SEC23IP: variants seen among roughly 807,000 people sequenced by gnomAD.
SEC23IP encodes SEC23-interacting protein.
Under a neutral mutation model 113.4 loss-of-function variants are expected in SEC23IP, and 70 were observed. That is an observed-to-expected ratio of 0.62 (90% confidence interval 0.51 to 0.75). The LOEUF (loss-of-function observed/expected upper bound fraction) is 0.75. Ranked by LOEUF, SEC23IP falls within the 30% of genes least tolerant of loss-of-function variation. The pLI, the probability that SEC23IP is intolerant of heterozygous loss-of-function variation, is 0.00. For missense variants in SEC23IP, 1,160 were observed against 1,204.9 expected (o/e 0.96, Z 0.55); for synonymous variants, 398 against 421.0 (o/e 0.95, Z 0.67).
chr10:119,898,133 G>T, intron 1 of SEC23IP: 1 of 255,588 alleles, frequency 3.9e-6, no homozygotes, highest in Admixed American at 5.4e-5. Context: ...AAGTATGGAA[G>T]GGTATGTAGC....
chr10:119,909,146 A>G lies in SEC23IP; in HGVS notation c.1191+16A>G, dbSNP rs368866594. The G allele has an allele frequency of 3.1e-4, 477 of 1,535,852 alleles. No homozygotes were observed. The highest frequency in any genetic ancestry group is 3.6e-4 in the Non-Finnish European group (401 of 1,124,006). ...CAATCCAAAGGTAATGATGGTGTTC[A>G]AAATTTTAAGGTATTAAGTTCATTT... On this transcript the variant is annotated intron_variant, in intron 5 of 18. Coordinates refer to ENST00000369075, the MANE Select transcript of SEC23IP (RefSeq NM_007190.4).
chr10:119,927,237 C>A (rs1261750762), intron 13 of SEC23IP, among the ~76,000 whole-genome samples: 1 of 152,220 alleles, frequency 6.6e-6, no homozygotes, highest in Non-Finnish European at 1.5e-5. Context: ...TCAGTAATGA[C>A]TAATTTCACT....
chr10:119,940,011 A>T (rs9787570), intron 18 of SEC23IP, among the ~76,000 whole-genome samples: 8,309 of 151,280 alleles, frequency 0.055, 426 homozygotes, highest in South Asian at 0.27. Flanking sequence ...CTAACTTTAA[A>T]TTGTGTCTTT....
rs572735269 is a variant in SEC23IP at position 119,929,526 on chromosome 10, G to A, written c.2314-81G>A. On this transcript the variant is annotated intron_variant, in intron 13 of 18. Coordinates refer to ENST00000369075, the MANE Select transcript of SEC23IP (RefSeq NM_007190.4). ...TGGGATTACAGGCATGAGCCACCAC[G>A]CCCGGCCTGAAAATTCAAAAGAATT... 2,084 of 1,254,722 alleles carry A rather than the reference G, an allele frequency of 1.7e-3. 7 individuals are homozygous for A. Among genetic ancestry groups the A allele is most frequent in the Non-Finnish European group, 2.1e-3 (1,790 of 873,052 alleles). The allele number at this position is 1,254,722 out of a possible 1,614,324, so 77.7% of individuals were successfully genotyped here.
Position 119,914,811 on chromosome 10 carries a change from T to C in SEC23IP, c.1394T>C (p.Ile465Thr). 5.0e-6 allele frequency: 8 copies of C among 1,613,766 alleles called. No homozygotes were observed. Among genetic ancestry groups the C allele is most frequent in the Non-Finnish European group, 5.9e-6 (7 of 1,179,644 alleles). ...TGTGACTTACGCTTTAGGAGCATTA[T>C]TGAGTGTGGTAAGTGTTGGGTATAT... ...PVCDLRFRSIIECVDDFRVVS... is the reference protein window; with the variant it reads ...PVCDLRFRSITECVDDFRVVS... The change falls in exon 7 of 19, where the codon ATT (isoleucine) becomes ACT (threonine). Residue 465 changes from isoleucine to threonine, a missense_variant. Physicochemically the swap from Ile to Thr is moderately conservative, Grantham distance 89 (BLOSUM62 -1). Coordinates refer to ENST00000369075, the MANE Select transcript of SEC23IP (RefSeq NM_007190.4).
chr10:119,898,412 C>G lies in SEC23IP; in HGVS notation c.164-15C>G, dbSNP rs1412917958. ...GAGTACCCTTTAAACCACATGCTCT[C>G]CTGTTCCATTTCAGAGGATTCCACA... On this transcript the variant is annotated splice_polypyrimidine_tract_variant and intron_variant, in intron 1 of 18. Coordinates refer to ENST00000369075, the MANE Select transcript of SEC23IP (RefSeq NM_007190.4). 2.5e-6 allele frequency: 4 copies of G among 1,601,560 alleles called. No individual in the cohort carries two copies. Among genetic ancestry groups the G allele is most frequent in the South Asian group, 1.1e-5 (1 of 88,554 alleles).
intron 17 of SEC23IP, 39 bp downstream of exon 17, chr10:119,933,206 T>C: frequency 6.3e-7 from 1 of 1,578,634 alleles, no homozygotes; most frequent in Non-Finnish European, 8.7e-7. Flanking sequence ...GAGTGGGCTT[T>C]TGGTGCTAGC....
chr10:119,906,470 A>G (rs1474469795), intron 4 of SEC23IP, among the ~76,000 whole-genome samples: 2 of 151,910 alleles, frequency 1.3e-5, no homozygotes, highest in East Asian at 3.9e-4. Flanking sequence ...GGAAGATCAA[A>G]ATGTCAAGGA....
chr10:119,938,802 G>A (rs367550172), intron 18 of SEC23IP, among the ~76,000 whole-genome samples: 3 of 152,158 alleles, frequency 2.0e-5, no homozygotes, highest in Admixed American at 1.3e-4. Flanking sequence ...CATATGATTC[G>A]TTCACTATAA....
chr10:119,901,043 GT>G (rs367795787), intron 2 of SEC23IP, among the ~76,000 whole-genome samples: 8 of 120,172 alleles, frequency 6.7e-5, no homozygotes, highest in African/African-American at 2.5e-4. Flanking sequence ...TTTTTAAAGA[GT>G]GGGGGGGGGG....
At chr10:119,926,392 A>G (rs935373499) in intron 13 of SEC23IP, among the ~76,000 whole-genome samples, 165 bp downstream of exon 13, 8 of 152,204 alleles carry the variant, frequency 5.3e-5, no homozygotes, top group Non-Finnish European at 1.0e-4. Flanking sequence ...AACAGTGCTC[A>G]CAATAAGGGA....
intron 13 of SEC23IP, among the ~76,000 whole-genome samples, chr10:119,929,168 CAA>C (rs1343478172): frequency 6.6e-6 from 1 of 152,018 alleles, no homozygotes; most frequent in Non-Finnish European, 1.5e-5. Flanking sequence ...CCGTGCAAAA[CAA>C]TATGTAAAAG....
At chr10:119,924,198 G>A (rs1855343831) in intron 12 of SEC23IP, among the ~76,000 whole-genome samples, 1 of 152,132 alleles carries the variant, frequency 6.6e-6, no homozygotes, top group Non-Finnish European at 1.5e-5. Context: ...TTACTTTCCT[G>A]ATTTCCTGGT....
intron 5 of SEC23IP, among the ~76,000 whole-genome samples, chr10:119,909,710 AACAAAGAG>A (rs1212392640): frequency 4.6e-5 from 7 of 152,086 alleles, no homozygotes; most frequent in Non-Finnish European, 2.9e-5. Flanking sequence ...CAGCCTGGGA[AACAAAGAG>A]ACTCTGTCTC....
intron 12 of SEC23IP, 81 bp from the exon 13 acceptor site, chr10:119,925,955 C>A: frequency 1.7e-6 from 2 of 1,156,108 alleles, no homozygotes; most frequent in Non-Finnish European, 2.4e-6. Context: ...TTCCTTAATA[C>A]TGAGATAGCA....
At chr10:119,916,831 A>C (rs1855067167) in intron 8 of SEC23IP, among the ~76,000 whole-genome samples, 1 of 152,168 alleles carries the variant, frequency 6.6e-6, no homozygotes, top group Non-Finnish European at 1.5e-5. Flanking sequence ...GAATCCCAAA[A>C]TTCATAGTAT....
chr10:119,937,166 T>C (rs976421314), intron 18 of SEC23IP, among the ~76,000 whole-genome samples: 4 of 151,438 alleles, frequency 2.6e-5, no homozygotes, highest in East Asian at 2.0e-4. Flanking sequence ...TGAGCCACCG[T>C]GCCCGGCCAG....
rs776748723 is a variant in SEC23IP, at chr10:119,903,005, T to G, written c.903T>G (p.Asn301Lys). 1 of 1,611,986 alleles carries G rather than the reference T, an allele frequency of 6.2e-7. No individual in the cohort carries two copies. The highest frequency in any genetic ancestry group is 1.1e-5 in the South Asian group (1 of 90,984). Residue 301 changes from asparagine to lysine, a missense_variant, in exon 3 of 19, where the codon AAT (asparagine) becomes AAG (lysine). Physicochemically the swap from Asn to Lys is moderately conservative, Grantham distance 94. Coordinates refer to ENST00000369075, the MANE Select transcript of SEC23IP (RefSeq NM_007190.4). ...FDSLNLEEIY[N>K]SVQPDPESVV... ...CTTTGAATCTTGAAGAAATCTATAA[T>G]TCAGGTAAACATTGGTCATACATCA...
At chr10:119,912,294 A>G (rs920353342) in intron 6 of SEC23IP, 130 bp downstream of exon 6, 27 of 966,858 alleles carry the variant, frequency 2.8e-5, no homozygotes, top group Non-Finnish European at 3.8e-5. Context: ...CACCACTCCC[A>G]GCTAATATTT....
Sources: gnomAD v4.1 joint callset for allele counts (sites outside exome capture counted in the v4.1 genomes callset) on GRCh38, gnomAD v4.1.1 for gene constraint, MANE v1.5 for transcripts, NCBI Gene and HGNC (gene_info 2026-07-23, HGNC 2026-07-21) for gene names.